XPNPEP2: variants seen among roughly 807,000 people sequenced by gnomAD.
XPNPEP2 encodes the protein xaa-Pro aminopeptidase 2.
A neutral mutation model predicts 59.8 loss-of-function variants in XPNPEP2; 64 were observed. The ratio of observed to expected loss-of-function variants is 1.07; its 90% confidence interval spans 0.87 to 1.32. The LOEUF is 1.32. XPNPEP2 is among the 40% of genes most tolerant of loss of function. The probability of loss-of-function intolerance (pLI) is 0.00; values close to 1 mark genes in which losing one functional copy is unlikely to be tolerated. For missense variants in XPNPEP2, 575 were observed against 546.8 expected (o/e 1.05, Z -0.51); for synonymous variants, 235 against 210.0 (o/e 1.12, Z -1.03).
chrX:129,743,992 T>C lies in XPNPEP2; in HGVS notation c.155T>C (p.Met52Thr), dbSNP rs1284401363. 8.3e-7 allele frequency: 1 copy of C among 1,210,423 alleles called. No homozygotes were observed. Among genetic ancestry groups the C allele is most frequent in the Non-Finnish European group, 1.1e-6 (1 of 895,305 alleles). ...CCAGTTACTGTGGTCAATACCACAATGTCACTCACAGCCCTCCGCCAGCAG... is the reference window on the plus strand; with the variant it reads ...CCAGTTACTGTGGTCAATACCACAACGTCACTCACAGCCCTCCGCCAGCAG... ...YLPVTVVNTT[M>T]SLTALRQQMQ... The change falls in exon 3 of 21, where the codon ATG (methionine) becomes ACG (threonine). Residue 52 changes from methionine to threonine, a missense_variant. Physicochemically the swap from Met to Thr is moderately conservative, Grantham distance 81. Coordinates refer to ENST00000371106, the MANE Select transcript of XPNPEP2 (RefSeq NM_003399.6).
chrX:129,760,013 A>G (rs143332187), intron 15 of XPNPEP2, among the ~76,000 whole-genome samples: 1,478 of 112,129 alleles, frequency 0.013, 21 homozygotes, highest in African/African-American at 0.045. Context: ...CGTCACAACC[A>G]CAGGAATGAG....
chrX:129,756,409 TCCTCCCACCAAGG>T, intron 13 of XPNPEP2, 62 bp from the exon 14 acceptor site: 2 of 1,050,686 alleles, frequency 1.9e-6, no homozygotes, highest in Non-Finnish European at 2.7e-6. Context: ...GCCCCAGAGG[TCCTCCCACCAAGG>T]CCTCCCACGT....
chrX:129,764,434 T>C lies in XPNPEP2; in HGVS notation c.1740+1664T>C, dbSNP rs756319128. ...ACTTTGGAAGGCCGAGGCTGGTGGA[T>C]CACCTGAGGTCAGGAGTTCGAGACC... On this transcript the variant is annotated intron_variant, in intron 19 of 20. Transcript: ENST00000371106. Among the ~76,000 whole-genome samples, 3 of 109,965 alleles carry C rather than the reference T, an allele frequency of 2.7e-5. No individual in the cohort carries two copies. The East Asian group carries it at 8.6e-4, about 32-fold the overall frequency.
In XPNPEP2 at chrX:129,768,463, C is replaced by T. The variant is rs767083060; in HGVS notation, c.2003C>T (p.Ala668Val). The T allele has an allele frequency of 3.1e-5, 37 of 1,186,461 alleles. No individual in the cohort carries two copies. Among genetic ancestry groups the T allele is most frequent in the Non-Finnish European group, 4.2e-5 (37 of 884,401 alleles). ...TCTGTGTTAGTGGTCTCCACCCTTG[C>T]CATCCTTGGCTGGAGTGTCTAGAGG... Reference protein sequence around the residue: ...WASVLVVSTLAILGWSV With the variant: ...WASVLVVSTLVILGWSV Residue 668 changes from alanine to valine, a missense_variant, in exon 21 of 21, where the codon GCC becomes GTC. Coordinates refer to ENST00000371106, the MANE Select transcript of XPNPEP2 (RefSeq NM_003399.6).
chrX:129,756,689 C>T, intron 14 of XPNPEP2, 134 bp downstream of exon 14: 7 of 627,098 alleles, frequency 1.1e-5, no homozygotes, highest in Admixed American at 8.4e-5. Flanking sequence ...GAATGAGCCC[C>T]GAACATCCTA....
intron 10 of XPNPEP2, 143 bp from the exon 11 acceptor site, chrX:129,753,016 T>A: frequency 2.0e-6 from 1 of 501,752 alleles, no homozygotes; most frequent in Admixed American, 3.0e-5. Context: ...TAGAGAGCAT[T>A]GCCACGAAAT....
Position 129,747,730 on chromosome X carries a change from ATGCCC to A in XPNPEP2, c.618_622del (p.Leu207GlyfsTer35). 1 of 1,212,009 alleles carries A rather than the reference ATGCCC, an allele frequency of 8.3e-7. No homozygotes were observed. The highest frequency in any genetic ancestry group is 1.8e-5 in the South Asian group (1 of 57,005). On this transcript the variant is annotated frameshift_variant, in exon 7 of 21. Coordinates refer to ENST00000371106, the MANE Select transcript of XPNPEP2 (RefSeq NM_003399.6). LOFTEE classifies it high-confidence loss of function. ...CCACCGGTTCCAAATCAACCCATTTATGCCCTGCAGGAGGCATTCACAGGTGATTC... is the reference window on the plus strand; with the variant it reads ...CCACCGGTTCCAAATCAACCCATTTATGCAGGAGGCATTCACAGGTGATTC...
chrX:129,764,276 T>G (rs1926706733), intron 19 of XPNPEP2, among the ~76,000 whole-genome samples: 1 of 108,156 alleles, frequency 9.2e-6, no homozygotes, highest in Non-Finnish European at 1.9e-5. Context: ...CAGGAAAAAA[T>G]AGGGCAAAGG....
At chrX:129,766,447 T>G (rs1238446070) in intron 19 of XPNPEP2, among the ~76,000 whole-genome samples, 2 of 111,533 alleles carry the variant, frequency 1.8e-5, no homozygotes, top group Non-Finnish European at 3.8e-5. Flanking sequence ...CCTCAAATGA[T>G]CCACCCACCT....
intron 19 of XPNPEP2, among the ~76,000 whole-genome samples, chrX:129,764,943 G>A (rs975714975): frequency 8.4e-4 from 93 of 111,180 alleles, no homozygotes; most frequent in Admixed American, 8.1e-3. Context: ...CAGCCTGGGC[G>A]ACAGAGCGAG....
intron 3 of XPNPEP2, among the ~76,000 whole-genome samples, chrX:129,744,879 A>G (rs373923629): frequency 1.8e-5 from 2 of 112,441 alleles, no homozygotes; most frequent in African/African-American, 6.5e-5. Context: ...GCCAAAAGAC[A>G]GGACCCTAGA....
At chrX:129,740,462 A>G (rs2283772) in intron 1 of XPNPEP2, among the ~76,000 whole-genome samples, 27,982 of 105,992 alleles carry the variant, frequency 0.26, 2,718 homozygotes, top group East Asian at 0.39. Flanking sequence ...CACTGTCTCT[A>G]TTAAAATTAC....
In XPNPEP2 at chrX:129,746,286, T is replaced by C. The variant is rs1336537003; in HGVS notation, c.349T>C (p.Tyr117His). The change falls in exon 5 of 21, where the codon TAC becomes CAC. Residue 117 changes from tyrosine to histidine, a missense_variant. Coordinates refer to ENST00000371106, the MANE Select transcript of XPNPEP2 (RefSeq NM_003399.6). ...AGCAGCTGTCTGGACCGACAGTCGC[T>C]ACTGGACTCAGGCTGAGCGGCAGAT... ...KKAAVWTDSR[Y>H]WTQAERQMDC... The C allele has an allele frequency of 3.0e-5, 36 of 1,211,448 alleles. No homozygotes were observed. The highest frequency in any genetic ancestry group is 3.9e-5 in the Non-Finnish European group (35 of 895,523).
intron 15 of XPNPEP2, among the ~76,000 whole-genome samples, chrX:129,759,475 G>A (rs1288725101): frequency 8.9e-6 from 1 of 112,771 alleles, no homozygotes; most frequent in Non-Finnish European, 1.9e-5. Context: ...TGGTAAATCA[G>A]TGCACAAATA....
intron 19 of XPNPEP2, among the ~76,000 whole-genome samples, chrX:129,764,393 T>C: frequency 1.8e-5 from 2 of 110,808 alleles, no homozygotes; most frequent in Non-Finnish European, 3.8e-5. Flanking sequence ...TGGTGGCTTA[T>C]GCCTGTAATC....
intron 14 of XPNPEP2, among the ~76,000 whole-genome samples, chrX:129,757,889 GAGAGAGAAAGAAAGAAAGAAA>G (rs1926574110): frequency 1.4e-5 from 1 of 73,921 alleles, no homozygotes; most frequent in Non-Finnish European, 2.3e-5. Flanking sequence ...GAGAGAGAGA[GAGAGAGAAAGAAAGAAAGAAA>G]GAAAGAAAGA....
chrX:129,739,372 C>A, intron 1 of XPNPEP2, 110 bp downstream of exon 1: 1 of 829,801 alleles, frequency 1.2e-6, no homozygotes, highest in Non-Finnish European at 1.7e-6. Context: ...GTTGCTTCCT[C>A]TCTCTGACTT....
chrX:129,754,975 G>T (rs1282108528), intron 12 of XPNPEP2, among the ~76,000 whole-genome samples: 1 of 111,822 alleles, frequency 8.9e-6, no homozygotes. Context: ...GGGCCGGATT[G>T]TAGGTTTGAG....
In XPNPEP2 at chrX:129,746,241, G is replaced by A. The variant is rs1244442500; in HGVS notation, c.304G>A (p.Ala102Thr). 1.7e-6 allele frequency: 2 copies of A among 1,210,304 alleles called. No homozygotes were observed. Among genetic ancestry groups the A allele is most frequent in the South Asian group, 1.8e-5 (1 of 56,858 alleles). The change falls in exon 5 of 21, where the codon GCA (alanine) becomes ACA (threonine). Residue 102 changes from alanine (A) to threonine (T), a missense_variant. Coordinates refer to ENST00000371106, the MANE Select transcript of XPNPEP2 (RefSeq NM_003399.6). ...GTTTCTCTGTTCTGCCCCAGGAACT[G>A]CAGTGGTGACTATGAAGAAAGCAGC... is the stretch of plus-strand genomic sequence containing the variant. ...ITGFTGSAGT[A>T]VVTMKKAAVW...
Sources: gnomAD v4.1 joint callset for allele counts (sites outside exome capture counted in the v4.1 genomes callset) on GRCh38, gnomAD v4.1.1 for gene constraint, MANE v1.5 for transcripts, NCBI Gene and HGNC (gene_info 2026-07-23, HGNC 2026-07-21) for gene names.